Variants in CTNNA2 observed in about 807,000 individuals in gnomAD.
CTNNA2 encodes catenin alpha 2.
A neutral mutation model predicts 101.0 loss-of-function variants in CTNNA2; 42 were observed. That is an observed-to-expected ratio of 0.42 (90% CI 0.32 to 0.54). The LOEUF (loss-of-function observed/expected upper bound fraction) is 0.54. CTNNA2 is among the 20% of genes least tolerant of loss of function. The pLI is 0.14. For synonymous variants in CTNNA2, 450 were observed against 456.4 expected (o/e 0.99, Z 0.18); for missense variants, 871 against 1,223.1 (o/e 0.71, Z 4.29).
At chr2:80,003,264 T>C (rs1403131869) in intron 7 of CTNNA2, among the ~76,000 whole-genome samples, 2 of 152,326 alleles carry the variant, frequency 1.3e-5, no homozygotes, top group Admixed American at 1.3e-4. Flanking sequence ...ATGCATTTCA[T>C]TTTGCCCCAC....
chr2:80,160,522 C>A (rs1471396072), intron 7 of CTNNA2, among the ~76,000 whole-genome samples: 1 of 152,098 alleles, frequency 6.6e-6, no homozygotes, highest in Admixed American at 6.6e-5. Context: ...ATTGGATTTA[C>A]ATCTAAATGT....
At chr2:80,221,589 T>G (rs2149055287) in intron 7 of CTNNA2, among the ~76,000 whole-genome samples, 1 of 152,334 alleles carries the variant, frequency 6.6e-6, no homozygotes, top group East Asian at 1.9e-4. Context: ...AGCCACTTAT[T>G]CCTGATATAC....
chr2:79,716,638 C>T (rs767708870), intron 2 of CTNNA2, among the ~76,000 whole-genome samples: 9 of 152,092 alleles, frequency 5.9e-5, no homozygotes, highest in Non-Finnish European at 1.0e-4. Context: ...CCCTAGGGAA[C>T]GGCAGTTCAC....
rs1228199237 is a variant in CTNNA2, at chr2:80,349,412, A to G, written c.1057-43799A>G. 1.3e-5 allele frequency among the ~76,000 whole-genome samples: 2 copies of G among 152,262 alleles called. 1 individual carries two copies. The highest frequency in any genetic ancestry group is 4.1e-4 in the South Asian group (2 of 4,828). Reference sequence around the variant, plus strand: ...GGATGGGTATATTCTGGCATAAACTATTCTAAACTTGATGCTGAAACCCTA... The same window carrying G: ...GGATGGGTATATTCTGGCATAAACTGTTCTAAACTTGATGCTGAAACCCTA... On this transcript the variant is annotated intron_variant, in intron 7 of 18. Transcript: ENST00000402739.
chr2:80,078,186 G>T (rs1698883601), intron 7 of CTNNA2, among the ~76,000 whole-genome samples: 1 of 152,144 alleles, frequency 6.6e-6, no homozygotes, highest in African/African-American at 2.4e-5. Context: ...AGAGATCAAA[G>T]GTGACTTTGT....
At chr2:79,455,667 C>A (rs1670813877) in intron 4 of CTNNA2, among the ~76,000 whole-genome samples, 1 of 152,176 alleles carries the variant, frequency 6.6e-6, no homozygotes, top group Non-Finnish European at 1.5e-5. Flanking sequence ...AGGACCTTGA[C>A]CCACTTGGGG....
intron 3 of CTNNA2, among the ~76,000 whole-genome samples, chr2:79,368,494 G>A (rs1199414324): frequency 2.6e-5 from 4 of 152,210 alleles, no homozygotes; most frequent in Non-Finnish European, 5.9e-5. Context: ...GCTGGACGTT[G>A]TGCGGATTTC....
At chr2:80,166,360 A>G (rs528517844) in intron 7 of CTNNA2, among the ~76,000 whole-genome samples, 1 of 152,186 alleles carries the variant, frequency 6.6e-6, no homozygotes, top group Non-Finnish European at 1.5e-5. Flanking sequence ...TGACTCAGTC[A>G]GCAAAGGCCA....
At chr2:79,965,747 C>G (rs1445543902) in intron 7 of CTNNA2, among the ~76,000 whole-genome samples, 1 of 143,852 alleles carries the variant, frequency 7.0e-6, no homozygotes, top group East Asian at 2.1e-4. Context: ...TCACTTGACG[C>G]TAGGAGGCAG....
chr2:80,306,420 C>CTT (rs1355704502), intron 7 of CTNNA2, among the ~76,000 whole-genome samples: 7 of 141,424 alleles, frequency 4.9e-5, no homozygotes, highest in Non-Finnish European at 9.1e-5. Context: ...TTCTTTCTTT[C>CTT]TTTCTTTCTT....
intron 3 of CTNNA2, among the ~76,000 whole-genome samples, chr2:79,831,965 T>G (rs1460184776): frequency 6.6e-6 from 1 of 152,228 alleles, no homozygotes; most frequent in Admixed American, 6.5e-5. Context: ...TTTAATAACC[T>G]TCTCAGGCAT....
chr2:80,626,784 A>G (rs1164121941), intron 18 of CTNNA2, among the ~76,000 whole-genome samples: 1 of 152,048 alleles, frequency 6.6e-6, no homozygotes, highest in Admixed American at 6.6e-5. Context: ...TTACATAGGT[A>G]TACATATGCC....
At chr2:79,223,257 A>G (rs1329445504) in intron 2 of CTNNA2, among the ~76,000 whole-genome samples, 1 of 152,172 alleles carries the variant, frequency 6.6e-6, no homozygotes, top group Non-Finnish European at 1.5e-5. Flanking sequence ...ACAACCCAGA[A>G]AAGGGTCCTC....
chr2:79,401,721 AT>A (rs1678292230), intron 4 of CTNNA2, among the ~76,000 whole-genome samples: 2 of 151,762 alleles, frequency 1.3e-5, no homozygotes, highest in African/African-American at 4.8e-5. Context: ...TGTAAGCCAT[AT>A]AAAGCAAGTA....
At chr2:79,338,592 C>CTTCTTT (rs1677056477) in intron 3 of CTNNA2, among the ~76,000 whole-genome samples, 1 of 141,100 alleles carries the variant, frequency 7.1e-6, no homozygotes, top group African/African-American at 2.8e-5. Context: ...TCTTCTTCTT[C>CTTCTTT]TTCTTCTTCT....
chr2:79,217,480 G>C (rs535398884), intron 2 of CTNNA2, among the ~76,000 whole-genome samples: 136 of 152,220 alleles, frequency 8.9e-4, no homozygotes, highest in African/African-American at 2.9e-3. Flanking sequence ...CAGTCAAAGG[G>C]GGGTTCTCTG....
intron 3 of CTNNA2, among the ~76,000 whole-genome samples, chr2:79,838,887 A>T (rs1053439893): frequency 1.3e-5 from 2 of 152,096 alleles, no homozygotes; most frequent in African/African-American, 4.8e-5. Flanking sequence ...ACTATTAGTC[A>T]TCTTTATTAG....
At chr2:80,365,923 G>A (rs1002983872) in intron 7 of CTNNA2, among the ~76,000 whole-genome samples, 4 of 152,048 alleles carry the variant, frequency 2.6e-5, no homozygotes, top group Admixed American at 2.6e-4. Context: ...CTTGCCCCTC[G>A]GGGCCTGCTG....
chr2:80,186,115 C>T (rs1706111364), intron 7 of CTNNA2, among the ~76,000 whole-genome samples: 1 of 152,180 alleles, frequency 6.6e-6, no homozygotes, highest in African/African-American at 2.4e-5. Flanking sequence ...ACCCCACCCC[C>T]ATCCCTATGG....
Sources: gnomAD v4.1 joint callset for allele counts (sites outside exome capture counted in the v4.1 genomes callset) on GRCh38, gnomAD v4.1.1 for gene constraint, MANE v1.5 for transcripts, NCBI Gene and HGNC (gene_info 2026-07-23, HGNC 2026-07-21) for gene names.